The following NELL1 variants were observed in gnomAD, a reference collection of about 807,000 sequenced individuals.
The protein encoded by NELL1 is protein kinase C-binding protein NELL1.
A neutral mutation model predicts 107.4 loss-of-function variants in NELL1; 76 were observed. That is an observed-to-expected ratio of 0.71 (90% CI 0.59 to 0.86). NELL1 has a LOEUF of 0.86. Among genes scored for constraint, NELL1 ranks in the 40% least tolerant of loss-of-function variants. NELL1 has a pLI of 0.00. For missense variants in NELL1, 1,024 were observed against 1,005.5 expected (o/e 1.02, Z -0.25); for synonymous variants, 353 against 341.2 (o/e 1.03, Z -0.38).
At chr11:21,382,080 A>C (rs1246666019) in intron 15 of NELL1, among the ~76,000 whole-genome samples, 8 of 151,638 alleles carry the variant, frequency 5.3e-5, no homozygotes, top group Non-Finnish European at 1.2e-4. Flanking sequence ...TTCTACAAAT[A>C]TTTTCTTAGT....
intron 15 of NELL1, among the ~76,000 whole-genome samples, chr11:21,385,344 T>C (rs1254298340): frequency 6.6e-6 from 1 of 151,924 alleles, no homozygotes; most frequent in Non-Finnish European, 1.5e-5. Context: ...CTCTTTTAGT[T>C]TCGTATTAGT....
At chr11:21,405,748 T>C (rs1017043435) in intron 15 of NELL1, among the ~76,000 whole-genome samples, 3 of 151,978 alleles carry the variant, frequency 2.0e-5, no homozygotes, top group Non-Finnish European at 4.4e-5. Context: ...TGGTGAAAGA[T>C]GGACACATCA....
chr11:21,032,065 A>AATT (rs1852973871), intron 12 of NELL1, among the ~76,000 whole-genome samples: 2 of 148,804 alleles, frequency 1.3e-5, no homozygotes, highest in South Asian at 4.2e-4. Flanking sequence ...TAATAATAAT[A>AATT]ATAATAATAA....
intron 12 of NELL1, among the ~76,000 whole-genome samples, chr11:21,101,890 T>C (rs1416392953): frequency 6.6e-6 from 1 of 152,100 alleles, no homozygotes; most frequent in East Asian, 1.9e-4. Flanking sequence ...TGAGATGGAG[T>C]TTTGCTCTTG....
chr11:21,560,795 T>C (rs1856831548), intron 17 of NELL1, among the ~76,000 whole-genome samples: 1 of 152,124 alleles, frequency 6.6e-6, no homozygotes, highest in Non-Finnish European at 1.5e-5. Flanking sequence ...TATGACATCA[T>C]CTAGAAAAGC....
chr11:21,564,672 G>A (rs993312700), intron 17 of NELL1, among the ~76,000 whole-genome samples: 1 of 151,898 alleles, frequency 6.6e-6, no homozygotes, highest in African/African-American at 2.4e-5. Flanking sequence ...AAAGACTTGA[G>A]CAGTGTTAGT....
intron 12 of NELL1, among the ~76,000 whole-genome samples, chr11:21,029,966 A>T (rs1403850023): frequency 6.6e-6 from 1 of 152,150 alleles, no homozygotes; most frequent in African/African-American, 2.4e-5. Flanking sequence ...CATCAGCAAG[A>T]CCTCTAGAGT....
intron 9 of NELL1, among the ~76,000 whole-genome samples, chr11:20,937,481 C>A (rs902022599): frequency 6.6e-6 from 1 of 152,230 alleles, no homozygotes; most frequent in Non-Finnish European, 1.5e-5. Context: ...CGATTGCCAC[C>A]AGTTCTTTCT....
intron 1 of NELL1, among the ~76,000 whole-genome samples, chr11:20,675,340 C>T (rs1459307861): frequency 6.6e-6 from 1 of 152,198 alleles, no homozygotes; most frequent in Non-Finnish European, 1.5e-5. Context: ...GTTCAGTCAA[C>T]CACTGTCCTT....
chr11:21,079,004 T>G (rs1283312070), intron 12 of NELL1, among the ~76,000 whole-genome samples: 1 of 151,556 alleles, frequency 6.6e-6, no homozygotes, highest in Non-Finnish European at 1.5e-5. Flanking sequence ...ATTTGTATTT[T>G]AAAAATCAAC....
At chr11:20,980,199 A>G (rs1399314236) in intron 12 of NELL1, among the ~76,000 whole-genome samples, 1 of 152,176 alleles carries the variant, frequency 6.6e-6, no homozygotes, top group Non-Finnish European at 1.5e-5. Flanking sequence ...ACTACAAAGG[A>G]GGAAGGAGGT....
At chr11:20,836,076 A>G (rs1466781741) in intron 3 of NELL1, among the ~76,000 whole-genome samples, 1 of 152,156 alleles carries the variant, frequency 6.6e-6, no homozygotes, top group Non-Finnish European at 1.5e-5. Flanking sequence ...ATTGAAACTC[A>G]ACAATAAGTA....
chr11:21,050,181 A>G (rs1449104401), intron 12 of NELL1, among the ~76,000 whole-genome samples: 1 of 152,170 alleles, frequency 6.6e-6, no homozygotes, highest in Non-Finnish European at 1.5e-5. Context: ...CCTTCTTAGC[A>G]CATGAGATAA....
intron 13 of NELL1, among the ~76,000 whole-genome samples, chr11:21,217,257 T>A (rs1344138040): frequency 6.6e-6 from 1 of 152,162 alleles, no homozygotes; most frequent in Non-Finnish European, 1.5e-5. Context: ...CTTTACTTTA[T>A]CAATTATGCA....
At chr11:20,870,080 A>AT (rs1349988877) in intron 4 of NELL1, among the ~76,000 whole-genome samples, 3 of 152,164 alleles carry the variant, frequency 2.0e-5, no homozygotes, top group Non-Finnish European at 4.4e-5. Flanking sequence ...TATTGGTGAC[A>AT]TTTTCAAAGC....
rs141795784 is a variant in NELL1 at position 21,361,892 on chromosome 11, A to G, written c.1550-8961A>G. ...CTGAGGAATTTTTCACCCATATCCT[A>G]TACTGTTTTTTAATTTCTTTAAGTT... is the stretch of plus-strand genomic sequence containing the variant. On this transcript the variant is annotated intron_variant, in intron 14 of 19. Transcript: ENST00000357134. 1.2e-3 allele frequency among the ~76,000 whole-genome samples: 177 copies of G among 151,998 alleles called. 1 individual carries two copies. Among genetic ancestry groups the G allele is most frequent in the African/African-American group, 4.1e-3 (169 of 41,466 alleles).
intron 13 of NELL1, among the ~76,000 whole-genome samples, chr11:21,218,772 T>A (rs1450854079): frequency 6.6e-6 from 1 of 152,188 alleles, no homozygotes; most frequent in Non-Finnish European, 1.5e-5. Flanking sequence ...TTATTTTATG[T>A]AACATAATGT....
At chr11:20,971,692 T>A (rs577817471) in intron 12 of NELL1, among the ~76,000 whole-genome samples, 1 of 152,282 alleles carries the variant, frequency 6.6e-6, no homozygotes, top group East Asian at 1.9e-4. Context: ...AAATCCTGGC[T>A]TTATCATTGT....
At chr11:20,971,153 C>A (rs1590479016) in intron 12 of NELL1, among the ~76,000 whole-genome samples, 1 of 152,062 alleles carries the variant, frequency 6.6e-6, no homozygotes, top group South Asian at 2.1e-4. Context: ...CTGGATGGTG[C>A]CCAGAAGCCA....
Sources: allele counts gnomAD v4.1 joint callset (sites outside exome capture counted in the v4.1 genomes callset), GRCh38; gene constraint gnomAD v4.1.1; transcripts MANE v1.5; gene names NCBI Gene and HGNC (gene_info 2026-07-23, HGNC 2026-07-21).